Variants in NUP93 observed in about 807,000 individuals in gnomAD.
NUP93 encodes nucleoporin 93, also known as nuclear pore complex protein Nup93.
A neutral mutation model predicts 107.8 loss-of-function variants in NUP93; 55 were observed. That is an observed-to-expected ratio of 0.51 (90% CI 0.41 to 0.64). The LOEUF is 0.64. Ranked by LOEUF, NUP93 falls within the 30% of genes least tolerant of loss-of-function variation. The pLI is 0.00. For missense variants in NUP93, 937 were observed against 1,044.7 expected (o/e 0.90, Z 1.42); for synonymous variants, 390 against 397.5 (o/e 0.98, Z 0.22).
In NUP93 at chr16:56,825,138, C is replaced by T. The variant is rs116558665; in HGVS notation, c.794+1292C>T. Among the ~76,000 whole-genome samples the T allele has an allele frequency of 6.4e-3, 955 of 149,710 alleles. 17 individuals carry two copies. The highest frequency in any genetic ancestry group is 0.023 in the African/African-American group (923 of 40,594). Reference sequence around the variant, plus strand: ...GTGGCATAATCTGGGCTCGCTGCAACGTCTGCCTCCCAGGCTCAAGCAGTC... The same window carrying T: ...GTGGCATAATCTGGGCTCGCTGCAATGTCTGCCTCCCAGGCTCAAGCAGTC... On this transcript the variant is annotated intron_variant, in intron 8 of 21. Transcript: ENST00000308159.
At chr16:56,738,211 G>A (rs1961643210) in intron 1 of NUP93, among the ~76,000 whole-genome samples, 1 of 152,210 alleles carries the variant, frequency 6.6e-6, no homozygotes, top group Admixed American at 6.5e-5. Flanking sequence ...CCAGCCCCAG[G>A]GTCAGAGGGC....
intron 8 of NUP93, among the ~76,000 whole-genome samples, chr16:56,824,898 G>A (rs554126779): frequency 6.6e-6 from 1 of 152,078 alleles, no homozygotes; most frequent in East Asian, 1.9e-4. Context: ...AGGAATAAAG[G>A]GTTTATAAAA....
intron 3 of NUP93, among the ~76,000 whole-genome samples, chr16:56,787,145 A>C (rs1005586412): frequency 6.6e-6 from 1 of 152,244 alleles, no homozygotes; most frequent in African/African-American, 2.4e-5. Flanking sequence ...AGAGAACGTG[A>C]AATTACAAAA....
chr16:56,819,937 C>T (rs1279921046), intron 6 of NUP93, among the ~76,000 whole-genome samples: 2 of 152,170 alleles, frequency 1.3e-5, no homozygotes, highest in African/African-American at 4.8e-5. Context: ...TGCCACTGGC[C>T]TTCATTTATT....
chr16:56,760,130 T>A (rs1274981738), intron 3 of NUP93, among the ~76,000 whole-genome samples: 1 of 152,198 alleles, frequency 6.6e-6, no homozygotes, highest in Middle Eastern at 3.2e-3. Context: ...TATGCTTAGT[T>A]ACATCAAAGA....
At chr16:56,792,021 A>C (rs1190418663) in intron 3 of NUP93, among the ~76,000 whole-genome samples, 1 of 152,162 alleles carries the variant, frequency 6.6e-6, no homozygotes. Flanking sequence ...TTATTTTATT[A>C]AAAAATGCTG....
At chr16:56,772,980 G>A (rs1458481076) in intron 3 of NUP93, among the ~76,000 whole-genome samples, 3 of 152,202 alleles carry the variant, frequency 2.0e-5, no homozygotes, top group Non-Finnish European at 4.4e-5. Context: ...GTGGCCAGTG[G>A]TTTACTCAGG....
At chr16:56,772,063 T>C (rs543862388) in intron 3 of NUP93, among the ~76,000 whole-genome samples, 7 of 152,246 alleles carry the variant, frequency 4.6e-5, no homozygotes, top group African/African-American at 1.7e-4. Context: ...TCACTTTTGC[T>C]TTCCTTCTGT....
In NUP93 at chr16:56,841,390, C is replaced by A. The variant is rs113334990; in HGVS notation, c.2221-315C>A. 2.8e-3 allele frequency among the ~76,000 whole-genome samples: 425 copies of A among 152,330 alleles called. 3 individuals are homozygous for A. Among genetic ancestry groups the A allele is most frequent in the African/African-American group, 9.7e-3 (402 of 41,572 alleles). Reference sequence around the variant, plus strand: ...AGTTCAAATTATTTAATGGCAGCCACTCTGCTGGCCAGTCTAAGCCTAATG... The same window carrying A: ...AGTTCAAATTATTTAATGGCAGCCAATCTGCTGGCCAGTCTAAGCCTAATG... On this transcript the variant is annotated intron_variant, in intron 20 of 21. Coordinates refer to ENST00000308159, the MANE Select transcript of NUP93 (RefSeq NM_014669.5).
chr16:56,730,869 C>A (rs1961523502), intron 1 of NUP93, among the ~76,000 whole-genome samples: 1 of 152,268 alleles, frequency 6.6e-6, no homozygotes, highest in South Asian at 2.1e-4. Flanking sequence ...ATGAAAGACA[C>A]GTTGACAGAG....
At chr16:56,786,737 C>T (rs1962636638) in intron 3 of NUP93, among the ~76,000 whole-genome samples, 1 of 152,194 alleles carries the variant, frequency 6.6e-6, no homozygotes, top group African/African-American at 2.4e-5. Context: ...CGTTCATGTG[C>T]TGTAAGCTAG....
intron 10 of NUP93, 25 bp downstream of exon 10, chr16:56,830,710 C>T: frequency 6.6e-7 from 1 of 1,523,100 alleles, no homozygotes; most frequent in East Asian, 2.3e-5. Flanking sequence ...GTGGCACGCC[C>T]AGGGGCAGCC....
intron 4 of NUP93, among the ~76,000 whole-genome samples, chr16:56,798,869 C>T (rs1217265888): frequency 7.1e-6 from 1 of 141,738 alleles, no homozygotes; most frequent in Non-Finnish European, 1.5e-5. Context: ...GAGACCCTGT[C>T]TCAAAAAAAA....
At chr16:56,763,125 G>A (rs1263317707) in intron 3 of NUP93, among the ~76,000 whole-genome samples, 1 of 152,140 alleles carries the variant, frequency 6.6e-6, no homozygotes, top group Admixed American at 6.5e-5. Flanking sequence ...AACTGTTACT[G>A]TAAAGAATGA....
chr16:56,787,777 G>A (rs1199041309), intron 3 of NUP93, among the ~76,000 whole-genome samples: 2 of 152,152 alleles, frequency 1.3e-5, no homozygotes, highest in African/African-American at 4.8e-5. Context: ...TTTGGAAGTG[G>A]ATTAATGCAT....
Position 56,844,693 on chromosome 16 carries a change from G to T in NUP93, c.*84G>T. On this transcript the variant is annotated 3_prime_UTR_variant, in exon 22 of 22. Transcript: ENST00000308159. ...CCACTAGGCTGGGGTTTCTGGTTTT[G>T]TTTCTGTTGTGTTTTGTTTTGGTTT... 1 of 711,106 alleles carries T rather than the reference G, an allele frequency of 1.4e-6. No individual in the cohort carries two copies. The highest frequency in any genetic ancestry group is 3.3e-5 in the South Asian group (1 of 30,454). The allele number at this position is 711,106 out of a possible 1,614,324, so 44.0% of individuals were successfully genotyped here.
At position 56,841,675 on chromosome 16, in the gene NUP93, T is replaced by C. The variant is rs373566479; in HGVS notation, c.2221-30T>C. On this transcript the variant is annotated intron_variant, in intron 20 of 21. Coordinates refer to ENST00000308159, the MANE Select transcript of NUP93 (RefSeq NM_014669.5). ...GGTTGGCCCCAAAGGCTTGGTTCTT[T>C]TTCTTTACTCTGTTTTTCTCTCTAT... 4.1e-4 allele frequency: 666 copies of C among 1,610,950 alleles called. 1 individual carries two copies. The highest frequency in any genetic ancestry group is 4.0e-4 in the Non-Finnish European group (470 of 1,178,768).
At chr16:56,803,532 A>G (rs1963066576) in intron 4 of NUP93, among the ~76,000 whole-genome samples, 1 of 152,118 alleles carries the variant, frequency 6.6e-6, no homozygotes, top group East Asian at 1.9e-4. Context: ...GTAAGATACT[A>G]TTGATTTTAT....
chr16:56,733,011 C>A (rs1384518528), intron 1 of NUP93, among the ~76,000 whole-genome samples: 1 of 152,144 alleles, frequency 6.6e-6, no homozygotes, highest in Non-Finnish European at 1.5e-5. Flanking sequence ...ATAGGTGGGA[C>A]TTTCCCAGCT....
Sources: allele counts gnomAD v4.1 joint callset (sites outside exome capture counted in the v4.1 genomes callset), GRCh38; gene constraint gnomAD v4.1.1; transcripts MANE v1.5; gene names NCBI Gene and HGNC (gene_info 2026-07-23, HGNC 2026-07-21).